TMEM117: variants seen among roughly 807,000 people sequenced by gnomAD.
The protein encoded by TMEM117 is transmembrane protein 117.
TMEM117 carries 27 observed loss-of-function variants against 52.4 expected under a neutral mutation model. That is an observed-to-expected ratio of 0.51 (90% CI 0.38 to 0.71). The LOEUF is 0.71. TMEM117 is among the 30% of genes least tolerant of loss of function. The probability of loss-of-function intolerance (pLI) is 0.00; values close to 1 mark genes in which losing one functional copy is unlikely to be tolerated. For synonymous variants in TMEM117, 215 were observed against 206.3 expected (o/e 1.04, Z -0.36); for missense variants, 556 against 630.5 (o/e 0.88, Z 1.26).
At chr12:43,953,345 C>T (rs1171860462) in intron 3 of TMEM117, among the ~76,000 whole-genome samples, 2 of 152,084 alleles carry the variant, frequency 1.3e-5, no homozygotes, top group Non-Finnish European at 2.9e-5. Context: ...CATTAAAAGA[C>T]ACAGAATGGC....
intron 3 of TMEM117, among the ~76,000 whole-genome samples, chr12:44,110,351 A>T (rs1334843728): frequency 3.5e-4 from 42 of 120,918 alleles, no homozygotes; most frequent in African/African-American, 1.3e-3. Context: ...TTTGTCATAG[A>T]TAGCTCTTAT....
intron 4 of TMEM117, among the ~76,000 whole-genome samples, chr12:44,166,863 A>G (rs1018323003): frequency 7.9e-5 from 12 of 152,206 alleles, no homozygotes; most frequent in African/African-American, 2.7e-4. Context: ...CTTGTTATCA[A>G]ATATGAAAAT....
intron 5 of TMEM117, among the ~76,000 whole-genome samples, chr12:44,221,295 C>T (rs1350265822): frequency 1.3e-5 from 2 of 152,094 alleles, no homozygotes; most frequent in Non-Finnish European, 2.9e-5. Context: ...TCTAAGGGGG[C>T]TTCTCCCAAA....
At chr12:44,166,464 C>A (rs534191718) in intron 4 of TMEM117, among the ~76,000 whole-genome samples, 1 of 151,920 alleles carries the variant, frequency 6.6e-6, no homozygotes, top group Non-Finnish European at 1.5e-5. Context: ...GTGTTTGGAC[C>A]AAATATGCTA....
chr12:44,197,580 A>G (rs1949437955), intron 4 of TMEM117, among the ~76,000 whole-genome samples: 1 of 151,978 alleles, frequency 6.6e-6, no homozygotes, highest in Admixed American at 6.6e-5. Flanking sequence ...CATTTTTTCC[A>G]TTTATTCTAA....
chr12:44,191,446 C>G (rs1024156986), intron 4 of TMEM117, among the ~76,000 whole-genome samples: 3 of 151,826 alleles, frequency 2.0e-5, no homozygotes, highest in Admixed American at 6.6e-5. Flanking sequence ...TGTATATATA[C>G]CATTTTCTCT....
chr12:44,322,699 A>T lies in TMEM117; in HGVS notation c.768+22960A>T, dbSNP rs184539688. On this transcript the variant is annotated intron_variant, in intron 6 of 7. Transcript: ENST00000266534. The stretch of plus-strand genomic sequence containing the variant: ...AATTTTAGTCTCACGATGCAAAGTA[A>T]CCTACATGGACATTTTAATGCCAAA... 2.4e-3 allele frequency among the ~76,000 whole-genome samples: 365 copies of T among 152,284 alleles called. 3 individuals carry two copies. In the South Asian group the frequency reaches 0.036, roughly 15 times the overall value.
intron 6 of TMEM117, among the ~76,000 whole-genome samples, chr12:44,315,960 G>T (rs925740293): frequency 1.3e-5 from 2 of 152,116 alleles, no homozygotes; most frequent in Non-Finnish European, 2.9e-5. Context: ...CTTTGAGCCT[G>T]TAAGTGTCAT....
chr12:44,206,224 A>G (rs1481636245), intron 4 of TMEM117, among the ~76,000 whole-genome samples: 2 of 152,330 alleles, frequency 1.3e-5, no homozygotes, highest in Middle Eastern at 3.4e-3. Flanking sequence ...TGTTATCTGC[A>G]GCAGGAACAT....
intron 3 of TMEM117, among the ~76,000 whole-genome samples, chr12:43,960,212 G>A (rs1030373073): frequency 6.6e-6 from 1 of 152,064 alleles, no homozygotes; most frequent in Non-Finnish European, 1.5e-5. Context: ...GCCAGTTGCC[G>A]AGAAAGGGCT....
chr12:44,124,492 G>T (rs1046439490), intron 3 of TMEM117, among the ~76,000 whole-genome samples: 7 of 152,124 alleles, frequency 4.6e-5, no homozygotes, highest in South Asian at 2.1e-4. Context: ...GTTTTCAAGG[G>T]GAATGCTTCC....
At chr12:43,989,427 A>G (rs958538915) in intron 3 of TMEM117, among the ~76,000 whole-genome samples, 1 of 152,012 alleles carries the variant, frequency 6.6e-6, no homozygotes, top group African/African-American at 2.4e-5. Context: ...AAGACCTAGA[A>G]TCTCTCTACT....
At chr12:43,847,641 T>G (rs1943232523) in intron 2 of TMEM117, among the ~76,000 whole-genome samples, 1 of 152,186 alleles carries the variant, frequency 6.6e-6, no homozygotes, top group African/African-American at 2.4e-5. Flanking sequence ...TTTTGAGAGC[T>G]CAGTCATCCA....
Position 43,918,663 on chromosome 12 carries a change from C to T in TMEM117, c.278-25547C>T, listed in dbSNP as rs143338694. ...TAATTTGATGCTTCCTTCGTACAGA[C>T]GCTTCCAGTGGGTCTTGTTAGCCCT... On this transcript the variant is annotated intron_variant, in intron 2 of 7. Transcript: ENST00000266534. Among the ~76,000 whole-genome samples, 706 of 152,278 alleles carry T rather than the reference C, an allele frequency of 4.6e-3. 5 individuals are homozygous for T. Among genetic ancestry groups the T allele is most frequent in the African/African-American group, 0.016 (675 of 41,550 alleles).
chr12:44,212,285 T>C (rs1439879982), intron 5 of TMEM117, among the ~76,000 whole-genome samples: 3 of 152,198 alleles, frequency 2.0e-5, no homozygotes, highest in African/African-American at 4.8e-5. Flanking sequence ...CGTCTATCCA[T>C]GCTGTCGATG....
intron 4 of TMEM117, among the ~76,000 whole-genome samples, chr12:44,147,608 G>A (rs570327160): frequency 5.9e-5 from 9 of 152,084 alleles, no homozygotes; most frequent in African/African-American, 2.2e-4. Context: ...GGGGTGAGGG[G>A]TATAGATAAG....
chr12:44,366,173 G>A (rs143877116), intron 6 of TMEM117, among the ~76,000 whole-genome samples: 17 of 152,130 alleles, frequency 1.1e-4, no homozygotes, highest in Admixed American at 2.0e-4. Flanking sequence ...AAATGTAGAC[G>A]TCACATTCAC....
intron 2 of TMEM117, among the ~76,000 whole-genome samples, chr12:43,898,504 G>T (rs1243763216): frequency 6.6e-6 from 1 of 151,812 alleles, no homozygotes; most frequent in Non-Finnish European, 1.5e-5. Flanking sequence ...CACATTTCTA[G>T]ATCTATTCTA....
chr12:43,912,464 T>A (rs1403022370), intron 2 of TMEM117, among the ~76,000 whole-genome samples: 1 of 147,848 alleles, frequency 6.8e-6, no homozygotes, highest in African/African-American at 2.6e-5. Flanking sequence ...AACCTGCGCG[T>A]TGTGCACATG....
Sources: gnomAD v4.1 joint callset for allele counts (sites outside exome capture counted in the v4.1 genomes callset) on GRCh38, gnomAD v4.1.1 for gene constraint, MANE v1.5 for transcripts, NCBI Gene and HGNC (gene_info 2026-07-23, HGNC 2026-07-21) for gene names.